Variants in ZFYVE27 observed in about 807,000 individuals in gnomAD.
ZFYVE27 encodes zinc finger FYVE-type containing 27.
In ZFYVE27, 36 loss-of-function variants were observed where a neutral mutation model predicts 52.8. The observed-to-expected ratio is 0.68, with a 90% confidence interval of 0.52 to 0.90. ZFYVE27 has a LOEUF of 0.90. Among genes scored for constraint, ZFYVE27 ranks in the 40% least tolerant of loss-of-function variants. The probability of loss-of-function intolerance (pLI) is 0.00; values close to 1 mark genes in which losing one functional copy is unlikely to be tolerated. For missense variants in ZFYVE27, 450 were observed against 527.2 expected (o/e 0.85, Z 1.43); for synonymous variants, 223 against 215.6 (o/e 1.03, Z -0.30).
intron 11 of ZFYVE27, 76 bp from the exon 12 acceptor site, chr10:97,757,566 T>A: frequency 6.6e-7 from 1 of 1,505,368 alleles, no homozygotes; most frequent in South Asian, 1.1e-5. Flanking sequence ...GATCAGCTGG[T>A]GGAAAGGAGG....
chr10:97,740,673 C>T (rs1440513450), intron 2 of ZFYVE27, among the ~76,000 whole-genome samples: 3 of 152,192 alleles, frequency 2.0e-5, no homozygotes, highest in African/African-American at 7.2e-5. Flanking sequence ...GACTTAAAAG[C>T]CCCCAGGAGC....
chr10:97,753,142 C>T lies in ZFYVE27; in HGVS notation c.1002C>T (p.Leu334=). Residue 334 remains leucine (L), a synonymous_variant, in exon 10 of 13, where the codon CTC becomes CTT. Coordinates refer to ENST00000684270, the MANE Select transcript of ZFYVE27 (RefSeq NM_001385875.1). ...NEVLRSKVSR[L]TERLRKRYPT... ...TGCTGCGCAGCAAGGTGTCTCGGCT[C>T]ACGGAGCGGCTCCGCAAGCGCTACC... 1 of 1,611,960 alleles carries T rather than the reference C, an allele frequency of 6.2e-7. No homozygotes were observed. The highest frequency in any genetic ancestry group is 1.3e-5 in the African/African-American group (1 of 74,938).
intron 11 of ZFYVE27, 87 bp downstream of exon 11, chr10:97,757,398 T>G: frequency 6.3e-7 from 1 of 1,593,420 alleles, no homozygotes; most frequent in Non-Finnish European, 8.6e-7. Context: ...ATTGAGAAAG[T>G]CTGGCTCGGG....
chr10:97,744,726 C>T lies in ZFYVE27; in HGVS notation c.269-3C>T. 6.2e-7 allele frequency: 1 copy of T among 1,613,406 alleles called. No individual in the cohort carries two copies. The highest frequency in any genetic ancestry group is 2.2e-5 in the East Asian group (1 of 44,886). On this transcript the variant is annotated splice_region_variant and splice_polypyrimidine_tract_variant and intron_variant, in intron 3 of 12. Coordinates refer to ENST00000684270, the MANE Select transcript of ZFYVE27 (RefSeq NM_001385875.1). Reference sequence around the variant, plus strand: ...GTTACCTGCAGTGTTTTTGATTCTGCAGGTGCATGGTACTCAGTAGGTGCC... The same window carrying T: ...GTTACCTGCAGTGTTTTTGATTCTGTAGGTGCATGGTACTCAGTAGGTGCC...
At chr10:97,745,383 G>A (rs985228135) in intron 4 of ZFYVE27, among the ~76,000 whole-genome samples, 2 of 151,918 alleles carry the variant, frequency 1.3e-5, no homozygotes, top group Non-Finnish European at 2.9e-5. Context: ...GTTTCACCAT[G>A]TTTGTCACGA....
chr10:97,742,355 A>G (rs1026516513), intron 2 of ZFYVE27, among the ~76,000 whole-genome samples: 1 of 151,934 alleles, frequency 6.6e-6, no homozygotes, highest in Non-Finnish European at 1.5e-5. Context: ...CAGCAATCTG[A>G]GTCTCTGGTC....
At chr10:97,738,855 C>G (rs534110515) in intron 2 of ZFYVE27, 181 bp downstream of exon 2, 1 of 659,382 alleles carries the variant, frequency 1.5e-6, no homozygotes, top group East Asian at 2.8e-5. Context: ...CAGGCCCAGC[C>G]CAGGAGAGGC....
At chr10:97,753,218 G>T in intron 10 of ZFYVE27, 36 bp downstream of exon 10, 1 of 1,597,316 alleles carries the variant, frequency 6.3e-7, no homozygotes, top group Non-Finnish European at 8.5e-7. Context: ...TGGTGGGGGA[G>T]TGGGGGTGGA....
intron 10 of ZFYVE27, among the ~76,000 whole-genome samples, chr10:97,753,979 C>T (rs2047676224): frequency 1.3e-5 from 2 of 152,274 alleles, no homozygotes; most frequent in African/African-American, 4.8e-5. Context: ...AGATCAGCAG[C>T]GCTGAGAGCT....
intron 4 of ZFYVE27, among the ~76,000 whole-genome samples, chr10:97,746,052 T>TACACA (rs1491093926): frequency 3.2e-5 from 1 of 31,628 alleles, no homozygotes; most frequent in Non-Finnish European, 1.0e-4. Context: ...TATATATATA[T>TACACA]TTTTTTTTTT....
Position 97,757,647 on chromosome 10 carries a change from C to T in ZFYVE27, c.1095C>T (p.Ser365=), listed in dbSNP as rs767381583. Residue 365 remains serine, a synonymous_variant, in exon 12 of 13, where the codon AGC becomes AGT. Coordinates refer to ENST00000684270, the MANE Select transcript of ZFYVE27 (RefSeq NM_001385875.1). Reference sequence around the variant, plus strand: ...ACCTTGGCTCTTGTCTGCAGCGGAGCTGCAGTAATTGTGGAAACAGCTTCT... The same window carrying T: ...ACCTTGGCTCTTGTCTGCAGCGGAGTTGCAGTAATTGTGGAAACAGCTTCT... ...ATFSVLKKRR[S]CSNCGNSFCS... is the part of the protein sequence containing the mutation. 1.1e-5 allele frequency: 17 copies of T among 1,614,224 alleles called. No individual in the cohort carries two copies. The highest frequency in any genetic ancestry group is 1.4e-5 in the Non-Finnish European group (17 of 1,180,024).
chr10:97,742,778 A>G (rs1237173833), intron 2 of ZFYVE27, among the ~76,000 whole-genome samples: 2 of 152,222 alleles, frequency 1.3e-5, no homozygotes, highest in Non-Finnish European at 2.9e-5. Context: ...GTCACCTCTT[A>G]AGGAGAATAC....
chr10:97,758,842 C>T (rs530414375), intron 12 of ZFYVE27, among the ~76,000 whole-genome samples: 2 of 151,904 alleles, frequency 1.3e-5, no homozygotes, highest in African/African-American at 2.4e-5. Context: ...AGTGCAGTGG[C>T]GCCATCTCGG....
rs1319233543 is a variant in ZFYVE27 at position 97,749,388 on chromosome 10, C to T, written c.552-86C>T. The stretch of plus-strand genomic sequence containing the variant: ...TTAATGTGCCCAGAGCTGTGTCTCA[C>T]CTGGACCCTGCTGTGGGTGTGCTCC... On this transcript the variant is annotated intron_variant, in intron 5 of 12. Transcript: ENST00000684270. The T allele has an allele frequency of 4.1e-6, 4 of 978,716 alleles. No homozygotes were observed. In the East Asian group the frequency reaches 9.5e-5, roughly 23 times the overall value. The allele number at this position is 978,716 out of a possible 1,614,324, so 60.6% of individuals were successfully genotyped here.
chr10:97,741,852 C>T (rs1404706805), intron 2 of ZFYVE27, among the ~76,000 whole-genome samples: 1 of 152,166 alleles, frequency 6.6e-6, no homozygotes, highest in African/African-American at 2.4e-5. Context: ...ATATTTAGCC[C>T]CAGCACGGTA....
In ZFYVE27 at chr10:97,752,228, T is replaced by G. The variant is rs2047175402; in HGVS notation, c.877-629T>G. ...TTGTTTTTCTTAGAGTAGGATATCA[T>G]TTCTCTTTATTTATTTCTCTTTGTA... is the stretch of plus-strand genomic sequence containing the variant. On this transcript the variant is annotated intron_variant, in intron 8 of 12. Transcript: ENST00000684270. 2.6e-5 allele frequency among the ~76,000 whole-genome samples: 4 copies of G among 152,348 alleles called. No individual in the cohort carries two copies. In the South Asian group the frequency reaches 6.2e-4, roughly 24 times the overall value.
intron 1 of ZFYVE27, among the ~76,000 whole-genome samples, 176 bp from the exon 2 acceptor site, chr10:97,738,301 A>G (rs1397469459): frequency 1.3e-5 from 2 of 152,128 alleles, no homozygotes; most frequent in African/African-American, 4.8e-5. Flanking sequence ...TTTAGTTTTG[A>G]TGGATCTTTG....
In ZFYVE27 at chr10:97,759,601, C is replaced by A; in HGVS notation, c.*301C>A. 2.1e-6 allele frequency: 1 copy of A among 471,696 alleles called. No homozygotes were observed. The highest frequency in any genetic ancestry group is 3.3e-5 in the Admixed American group (1 of 30,160). The allele number at this position is 471,696 out of a possible 1,614,324, so 29.2% of individuals were successfully genotyped here. A position where few individuals can be genotyped will look rare whatever the true frequency, so the allele number is the denominator to read the frequency against. On this transcript the variant is annotated 3_prime_UTR_variant, in exon 13 of 13. Transcript: ENST00000684270. ...GACTTAGGGCTGGGCAGGCAGTAGC[C>A]ACCAGAGGGCAGCAGCGAACTAGGC...
Position 97,760,545 on chromosome 10 carries a change from T to A in ZFYVE27, c.*1245T>A, listed in dbSNP as rs764142826. ...GGGGTGGGGGTCTTCTACCTAGGAC[T>A]CTTCCCTGGAGTCATGGGCTGCCTG... On this transcript the variant is annotated 3_prime_UTR_variant, in exon 13 of 13. Transcript: ENST00000684270. The A allele has an allele frequency of 1.3e-5, 2 of 152,288 alleles. No individual in the cohort carries two copies. Among genetic ancestry groups the A allele is most frequent in the Admixed American group, 1.3e-4 (2 of 15,282 alleles). 9.4% of individuals were successfully genotyped at this position (152,288 alleles called of 1,614,324 possible).
Sources: gnomAD v4.1 joint callset for allele counts (sites outside exome capture counted in the v4.1 genomes callset) on GRCh38, gnomAD v4.1.1 for gene constraint, MANE v1.5 for transcripts, NCBI Gene and HGNC (gene_info 2026-07-23, HGNC 2026-07-21) for gene names.